Variants in ZNF395 observed in about 807,000 individuals in gnomAD.
ZNF395 encodes HD gene regulatory region-binding protein 2.
Under a neutral mutation model 57.7 loss-of-function variants are expected in ZNF395, and 20 were observed. That is an observed-to-expected ratio of 0.35 (90% CI 0.24 to 0.50). ZNF395 has a LOEUF of 0.50. ZNF395 is among the 20% of genes least tolerant of loss of function. The probability of loss-of-function intolerance (pLI) is 0.97; values close to 1 mark genes in which losing one functional copy is unlikely to be tolerated. For synonymous variants in ZNF395, 295 were observed against 275.9 expected (o/e 1.07, Z -0.69); for missense variants, 606 against 671.2 (o/e 0.90, Z 1.07).
Position 28,356,093 on chromosome 8 carries a change from A to G in ZNF395, c.583+577T>C, listed in dbSNP as rs1321229425. 6.6e-6 allele frequency among the ~76,000 whole-genome samples: 1 copy of G among 152,102 alleles called. No homozygotes were observed. The highest frequency in any genetic ancestry group is 1.5e-5 in the Non-Finnish European group (1 of 68,004). On this transcript the variant is annotated intron_variant, in intron 4 of 9. Transcript: ENST00000344423. The surrounding 1 kb of genome is among the most constrained non-coding windows in gnomAD (Gnocchi z 4.0). ...ACTCAGCAACCCTTTTTTCCCTCAT[A>G]TTATTGATAAAGTATTTTGGGGTTG...
chr8:28,351,489 C>T lies in ZNF395; in HGVS notation c.1233+6G>A. The T allele has an allele frequency of 3.1e-6, 5 of 1,591,256 alleles. No homozygotes were observed. Among genetic ancestry groups the T allele is most frequent in the Non-Finnish European group, 4.3e-6 (5 of 1,163,948 alleles). On this transcript the variant is annotated splice_donor_region_variant and intron_variant, in intron 7 of 9. Transcript: ENST00000344423. ...GCCTGAGCCTCCAGCGAGCCCCGCC[C>T]CATACCTGGTATGCATGATCTGCCT...
At position 28,348,717 on chromosome 8, in the gene ZNF395, G is replaced by A. The variant is rs775161086; in HGVS notation, c.*2C>T. On this transcript the variant is annotated 3_prime_UTR_variant, in exon 10 of 10. Transcript: ENST00000344423. ...GGAACAGAGTAGAACCTGCAGCACAGCTCAGTCCAGAAAGCGCTGGCAGGC... is the reference window on the plus strand; with the variant it reads ...GGAACAGAGTAGAACCTGCAGCACAACTCAGTCCAGAAAGCGCTGGCAGGC... 1.9e-6 allele frequency: 3 copies of A among 1,613,504 alleles called. No homozygotes were observed. The highest frequency in any genetic ancestry group is 2.2e-5 in the East Asian group (1 of 44,886).
At position 28,356,654 on chromosome 8, in the gene ZNF395, G is replaced by C. The variant is rs778371481; in HGVS notation, c.583+16C>G. 3.8e-5 allele frequency: 61 copies of C among 1,607,542 alleles called. No individual in the cohort carries two copies. The highest frequency in any genetic ancestry group is 5.1e-5 in the Non-Finnish European group (60 of 1,174,708). On this transcript the variant is annotated intron_variant, in intron 4 of 9. Transcript: ENST00000344423. This position sits in a 1 kb window ranked among gnomAD's most constrained non-coding sequence, Gnocchi z 4.0. ...CTCTACCATGCCCAGAACCCAGCTG[G>C]GCCCCGCTTGCTCACCAGAGAAGTT...
intron 1 of ZNF395, among the ~76,000 whole-genome samples, chr8:28,370,692 A>G (rs1316721935): frequency 6.6e-6 from 1 of 152,164 alleles, no homozygotes; most frequent in African/African-American, 2.4e-5. Context: ...GAAGGAAGGG[A>G]TAAAATCAGC....
At chr8:28,366,947 A>G (rs1267043653) in intron 1 of ZNF395, among the ~76,000 whole-genome samples, 3 of 151,988 alleles carry the variant, frequency 2.0e-5, no homozygotes, top group Non-Finnish European at 2.9e-5. Context: ...GTGACTTAAA[A>G]CTTCTAGCTC....
chr8:28,385,676 G>A (rs2130007782), intron 1 of ZNF395, among the ~76,000 whole-genome samples: 1 of 148,432 alleles, frequency 6.7e-6, no homozygotes, highest in Non-Finnish European at 1.5e-5. Flanking sequence ...GGGCGGCCCC[G>A]CCGGAAAGGG....
intron 1 of ZNF395, among the ~76,000 whole-genome samples, chr8:28,373,537 G>C (rs1452359125): frequency 1.3e-5 from 2 of 152,194 alleles, no homozygotes; most frequent in African/African-American, 4.8e-5. Flanking sequence ...AGGCAGCCTG[G>C]AGAAGAACCG....
At chr8:28,361,427 G>A (rs1452065842) in intron 1 of ZNF395, among the ~76,000 whole-genome samples, 1 of 152,090 alleles carries the variant, frequency 6.6e-6, no homozygotes, top group East Asian at 1.9e-4. Context: ...TTTTATTTCT[G>A]TAAAAATGGG....
At position 28,356,885 on chromosome 8, in the gene ZNF395, C is replaced by T. The variant is rs887838839; in HGVS notation, c.474-106G>A. On this transcript the variant is annotated intron_variant, in intron 3 of 9. Transcript: ENST00000344423. This position sits in a 1 kb window ranked among gnomAD's most constrained non-coding sequence, Gnocchi z 4.0. Reference sequence around the variant, plus strand: ...TGGCTGGTTTCACACAATCATCTTACACTTCTGGACTGTCCCCTCCAAGTG... The same window carrying T: ...TGGCTGGTTTCACACAATCATCTTATACTTCTGGACTGTCCCCTCCAAGTG... 17 of 840,702 alleles carry T rather than the reference C, an allele frequency of 2.0e-5. No individual in the cohort carries two copies. Among genetic ancestry groups the T allele is most frequent in the Non-Finnish European group, 3.0e-5 (16 of 530,394 alleles). 52.1% of individuals were successfully genotyped at this position (840,702 alleles called of 1,614,324 possible). A position where few individuals can be genotyped will look rare whatever the true frequency, so the allele number is the denominator to read the frequency against.
At chr8:28,351,426 G>C in intron 7 of ZNF395, 69 bp downstream of exon 7, 1 of 1,490,932 alleles carries the variant, frequency 6.7e-7, no homozygotes, top group Non-Finnish European at 9.0e-7. Context: ...GTGGTCGGTA[G>C]CCTGTAATCA....
intron 1 of ZNF395, among the ~76,000 whole-genome samples, chr8:28,361,786 G>C (rs896876592): frequency 5.3e-5 from 8 of 152,110 alleles, no homozygotes; most frequent in Non-Finnish European, 1.2e-4. Context: ...AAGCTGCAAA[G>C]AGCCACAGAA....
intron 3 of ZNF395, among the ~76,000 whole-genome samples, chr8:28,358,440 TG>T (rs1432929909): frequency 6.6e-6 from 1 of 152,070 alleles, no homozygotes. Context: ...TGGTTTGGTT[TG>T]GTTTTTGTTT....
intron 1 of ZNF395, among the ~76,000 whole-genome samples, chr8:28,364,979 T>C (rs539969739): frequency 1.3e-5 from 2 of 152,320 alleles, no homozygotes; most frequent in Middle Eastern, 3.4e-3. Context: ...TATACACATA[T>C]TGCCCTCTGG....
In ZNF395 at chr8:28,347,084, T is replaced by C. The variant is rs1801612949; in HGVS notation, c.*1635A>G. 6.6e-6 allele frequency: 1 copy of C among 152,174 alleles called. No homozygotes were observed. Among genetic ancestry groups the C allele is most frequent in the Non-Finnish European group, 1.5e-5 (1 of 68,042 alleles). 9.4% of individuals were successfully genotyped at this position (152,174 alleles called of 1,614,324 possible). Reference sequence around the variant, plus strand: ...GACCCTACTGCCAGGTCTACAGATTTTGTAACACTCAAAGTGTCCTGCATT... The same window carrying C: ...GACCCTACTGCCAGGTCTACAGATTCTGTAACACTCAAAGTGTCCTGCATT... On this transcript the variant is annotated 3_prime_UTR_variant, in exon 10 of 10. Transcript: ENST00000344423.
rs1801687446 is a variant in ZNF395 at position 28,351,730 on chromosome 8, G to A, written c.998C>T (p.Ala333Val). ...YTEVQLKEES[A>V]AAAAAAAAGT... ...TGCGGCAGCAGCAGCAGCAGCAGCAGCAGATTCCTCCTTCAGCTGCACCTC... is the reference window on the plus strand; with the variant it reads ...TGCGGCAGCAGCAGCAGCAGCAGCAACAGATTCCTCCTTCAGCTGCACCTC... The change falls in exon 7 of 10, where the codon GCT becomes GTT. Residue 333 changes from alanine (A) to valine (V), a missense_variant. Ala to Val is a moderately conservative substitution (Grantham distance 64). Transcript: ENST00000344423. The A allele has an allele frequency of 6.2e-7, 1 of 1,606,638 alleles. No homozygotes were observed. Among genetic ancestry groups the A allele is most frequent in the African/African-American group, 1.3e-5 (1 of 74,938 alleles).
intron 4 of ZNF395, among the ~76,000 whole-genome samples, chr8:28,354,445 G>A (rs1403829973): frequency 6.6e-6 from 1 of 152,198 alleles, no homozygotes; most frequent in Non-Finnish European, 1.5e-5. Flanking sequence ...TGGATTCCAA[G>A]GTCTACTAGC....
intron 1 of ZNF395, among the ~76,000 whole-genome samples, chr8:28,382,093 AG>A (rs1802116395): frequency 6.6e-6 from 1 of 152,132 alleles, no homozygotes; most frequent in Admixed American, 6.5e-5. Flanking sequence ...CAGGTCGCAA[AG>A]CAAAACGCCT....
intron 3 of ZNF395, among the ~76,000 whole-genome samples, chr8:28,357,527 T>C (rs1801795662): frequency 6.6e-6 from 1 of 152,248 alleles, no homozygotes; most frequent in Non-Finnish European, 1.5e-5. Context: ...TAAAAGTTAG[T>C]CTGAAATAAA....
At chr8:28,353,115 C>T in intron 5 of ZNF395, 58 bp downstream of exon 5, 1 of 1,558,638 alleles carries the variant, frequency 6.4e-7, no homozygotes, top group African/African-American at 1.4e-5. Flanking sequence ...GGCTGGCTGT[C>T]CCCACACAGA....
Sources: gnomAD v4.1 joint callset for allele counts (sites outside exome capture counted in the v4.1 genomes callset) on GRCh38, gnomAD v4.1.1 for gene constraint, Gnocchi (gnomAD v3.1) non-coding constraint, MANE v1.5 for transcripts, NCBI Gene and HGNC (gene_info 2026-07-23, HGNC 2026-07-21) for gene names.